METTL25: variants seen among roughly 807,000 people sequenced by gnomAD.
The protein encoded by METTL25 is methyltransferase like 25.
In METTL25, 64 loss-of-function variants were observed where a neutral mutation model predicts 71.6. The ratio of observed to expected loss-of-function variants is 0.89; its 90% CI spans 0.73 to 1.10. The LOEUF is 1.10. Among genes scored for constraint, METTL25 ranks in the 50% least tolerant of loss-of-function variants. The pLI is 0.00. For missense variants in METTL25, 807 were observed against 707.0 expected (o/e 1.14, Z -1.60); for synonymous variants, 287 against 250.3 (o/e 1.15, Z -1.38).
chr12:82,445,318 A>G (rs1385352820), intron 8 of METTL25, among the ~76,000 whole-genome samples: 1 of 152,208 alleles, frequency 6.6e-6, no homozygotes, highest in Non-Finnish European at 1.5e-5. Flanking sequence ...AAAAACATGC[A>G]CACAAACACA....
At chr12:82,455,993 A>G (rs1284153003) in intron 8 of METTL25, among the ~76,000 whole-genome samples, 1 of 151,908 alleles carries the variant, frequency 6.6e-6, no homozygotes, top group Non-Finnish European at 1.5e-5. Flanking sequence ...CTGAAGAAAT[A>G]TGTTTTGAAT....
intron 5 of METTL25, among the ~76,000 whole-genome samples, chr12:82,405,960 G>A (rs1267819178): frequency 1.3e-5 from 2 of 152,170 alleles, no homozygotes; most frequent in African/African-American, 4.8e-5. Flanking sequence ...ACATAAGAGA[G>A]TATGTTATTG....
chr12:82,371,044 A>G (rs4370996), intron 1 of METTL25, among the ~76,000 whole-genome samples: 140,760 of 152,298 alleles, frequency 0.92, 65,370 homozygotes, highest in East Asian at 1. Flanking sequence ...GATTAAATGA[A>G]CACACTTACT....
intron 1 of METTL25, among the ~76,000 whole-genome samples, chr12:82,361,197 C>T (rs115264174): frequency 0.01 from 1,543 of 152,236 alleles, 17 homozygotes; most frequent in African/African-American, 0.036. Flanking sequence ...GAAAGTTCTC[C>T]TAGTCCCCAC....
intron 5 of METTL25, among the ~76,000 whole-genome samples, chr12:82,412,475 C>T (rs1887626161): frequency 1.3e-5 from 2 of 152,066 alleles, no homozygotes. Flanking sequence ...AGCTACCAAC[C>T]TGATGTCAGT....
chr12:82,398,660 T>C, intron 3 of METTL25, 135 bp from the exon 4 acceptor site: 1 of 479,962 alleles, frequency 2.1e-6, no homozygotes. Context: ...GAGTGGTTGG[T>C]TTTTCATAGG....
intron 8 of METTL25, among the ~76,000 whole-genome samples, chr12:82,452,050 TTAATA>T (rs1891183144): frequency 6.6e-6 from 1 of 152,128 alleles, no homozygotes; most frequent in Admixed American, 6.5e-5. Flanking sequence ...TATTGTTACA[TTAATA>T]CTTCTACATG....
At chr12:82,429,028 C>T (rs986425721) in intron 5 of METTL25, among the ~76,000 whole-genome samples, 1 of 151,790 alleles carries the variant, frequency 6.6e-6, no homozygotes, top group African/African-American at 2.4e-5. Context: ...AAGCATTTAT[C>T]ATTTCTGTGT....
intron 5 of METTL25, among the ~76,000 whole-genome samples, chr12:82,416,151 C>T (rs569211421): frequency 1.3e-5 from 2 of 152,182 alleles, no homozygotes; most frequent in Admixed American, 6.6e-5. Flanking sequence ...ATATAATCAT[C>T]GTGCTGTGAT....
At chr12:82,458,316 T>G (rs1052357655) in intron 9 of METTL25, among the ~76,000 whole-genome samples, 2 of 152,238 alleles carry the variant, frequency 1.3e-5, no homozygotes. Context: ...AAACTGCCAC[T>G]CAGTCTTAGC....
chr12:82,419,043 G>A (rs1452387312), intron 5 of METTL25, among the ~76,000 whole-genome samples: 4 of 152,106 alleles, frequency 2.6e-5, no homozygotes, highest in South Asian at 4.1e-4. Flanking sequence ...TTAGAAAGAC[G>A]TTTGGCTTAA....
In METTL25 at chr12:82,478,974, G is replaced by A. The variant is rs571746115; in HGVS notation, c.1762G>A (p.Val588Met). The change falls in exon 12 of 12, where the codon GTG (valine) becomes ATG (methionine). Residue 588 changes from valine (V) to methionine (M), a missense_variant. Val to Met is a conservative substitution (Grantham distance 21). Transcript: ENST00000248306. The stretch of plus-strand genomic sequence containing the variant: ...TGCTCTTGTGAAGTTGTTTGATCCC[G>A]TGAAATCTCCCAGATGTTATGCTGT... ...WSALVKLFDP[V>M]KSPRCYAVIA... 167 of 1,612,516 alleles carry A rather than the reference G, an allele frequency of 1.0e-4. 2 individuals are homozygous for A. The South Asian group carries it at 1.4e-3, about 13-fold the overall frequency.
At chr12:82,390,951 C>CT (rs1781803239) in intron 3 of METTL25, among the ~76,000 whole-genome samples, 3 of 152,010 alleles carry the variant, frequency 2.0e-5, no homozygotes, top group Non-Finnish European at 4.4e-5. Flanking sequence ...TGGGATTGGT[C>CT]TCTAGAGGAC....
intron 6 of METTL25, among the ~76,000 whole-genome samples, chr12:82,433,058 C>T (rs1889644920): frequency 2.0e-5 from 3 of 151,504 alleles, no homozygotes; most frequent in African/African-American, 7.3e-5. Flanking sequence ...TTCTCATCCT[C>T]TTTGTTCATT....
At chr12:82,474,123 C>T (rs1160092346) in intron 9 of METTL25, among the ~76,000 whole-genome samples, 1 of 152,142 alleles carries the variant, frequency 6.6e-6, no homozygotes, top group East Asian at 1.9e-4. Flanking sequence ...ACTGGGCTCA[C>T]CATTTATGAG....
At chr12:82,405,738 T>C (rs929652325) in intron 5 of METTL25, among the ~76,000 whole-genome samples, 27 of 152,190 alleles carry the variant, frequency 1.8e-4, no homozygotes, top group Non-Finnish European at 1.5e-4. Flanking sequence ...CCACATATTG[T>C]CATTGCCATT....
intron 5 of METTL25, among the ~76,000 whole-genome samples, chr12:82,424,149 A>G (rs920287653): frequency 1.3e-5 from 2 of 152,218 alleles, no homozygotes; most frequent in African/African-American, 4.8e-5. Context: ...ATGTCCAACA[A>G]TGATAGACTG....
chr12:82,422,075 C>A (rs1888561200), intron 5 of METTL25, among the ~76,000 whole-genome samples: 1 of 152,110 alleles, frequency 6.6e-6, no homozygotes, highest in African/African-American at 2.4e-5. Context: ...GATACCAAAG[C>A]CTGGCAGAGA....
chr12:82,441,489 G>A (rs2717447), intron 8 of METTL25, among the ~76,000 whole-genome samples: 151,827 of 151,846 alleles, frequency 1, 75,904 homozygotes, highest in Middle Eastern at 1. Context: ...ACTTTTCTCT[G>A]TTTTTCCTGC....
Sources: allele counts gnomAD v4.1 joint callset (sites outside exome capture counted in the v4.1 genomes callset), GRCh38; gene constraint gnomAD v4.1.1; transcripts MANE v1.5; gene names NCBI Gene and HGNC (gene_info 2026-07-23, HGNC 2026-07-21).